C12orf42: variants seen among roughly 807,000 people sequenced by gnomAD.
C12orf42 encodes the protein chromosome 12 open reading frame 42.
A neutral mutation model predicts 21.6 loss-of-function variants in C12orf42; 25 were observed. That is an observed-to-expected ratio of 1.16 (90% CI 0.84 to 1.62). The LOEUF (loss-of-function observed/expected upper bound fraction) is 1.62, where lower values mean the gene tolerates loss of function less well. C12orf42 is among the 40% of genes most tolerant of loss of function. C12orf42 has a pLI of 0.00. For missense variants in C12orf42, 483 were observed against 459.3 expected (o/e 1.05, Z -0.47); for synonymous variants, 174 against 175.0 (o/e 0.99, Z 0.05).
At chr12:103,171,845 G>T in the C12orf42 span, among the ~76,000 whole-genome samples, 2 of 152,258 alleles carry the variant, frequency 1.3e-5, no homozygotes, top group Admixed American at 1.3e-4. Context: ...CAGACTGAAG[G>T]TGAGTTAATT....
intron 4 of C12orf42, among the ~76,000 whole-genome samples, chr12:103,290,648 T>A (rs2036746355): frequency 6.6e-6 from 1 of 152,190 alleles, no homozygotes; most frequent in Non-Finnish European, 1.5e-5. Flanking sequence ...AGAGGATTAA[T>A]TAATGGACAG....
chr12:103,220,418 G>A, the C12orf42 span, among the ~76,000 whole-genome samples: 2 of 151,992 alleles, frequency 1.3e-5, no homozygotes, highest in African/African-American at 2.4e-5. Context: ...GATAGAAAAG[G>A]GAGAAAGACT....
the C12orf42 span, among the ~76,000 whole-genome samples, chr12:103,086,386 G>A: frequency 6.6e-6 from 1 of 151,426 alleles, no homozygotes; most frequent in African/African-American, 2.4e-5. Flanking sequence ...AAAAAAAAGA[G>A]AGAACTATTT....
At chr12:103,254,899 C>A (rs1331980612) in intron 10 of C12orf42, among the ~76,000 whole-genome samples, 3 of 152,060 alleles carry the variant, frequency 2.0e-5, no homozygotes, top group Non-Finnish European at 4.4e-5. Context: ...ACATCCTGCA[C>A]GAGTACCCCA....
At chr12:103,465,539 C>T (rs998447745) in intron 2 of C12orf42, among the ~76,000 whole-genome samples, 1 of 152,112 alleles carries the variant, frequency 6.6e-6, no homozygotes, top group Non-Finnish European at 1.5e-5. Flanking sequence ...ATCATGTCAT[C>T]TGCAAACAGA....
At chr12:103,074,038 C>T in the C12orf42 span, among the ~76,000 whole-genome samples, 4 of 152,172 alleles carry the variant, frequency 2.6e-5, no homozygotes, top group South Asian at 6.2e-4. Flanking sequence ...CAATCAGAAG[C>T]TTCCCAAAGC....
intron 1 of C12orf42, among the ~76,000 whole-genome samples, chr12:103,488,468 T>G (rs1230993910): frequency 2.0e-5 from 3 of 152,196 alleles, no homozygotes; most frequent in African/African-American, 7.2e-5. Context: ...TGTGGTGTTC[T>G]CTGTATTTCC....
chr12:103,075,828 T>C, the C12orf42 span, among the ~76,000 whole-genome samples: 1 of 152,110 alleles, frequency 6.6e-6, no homozygotes, highest in Non-Finnish European at 1.5e-5. Flanking sequence ...TTCAGAACCA[T>C]AATTATTAAG....
At chr12:103,294,555 AAG>A (rs1400104136) in intron 4 of C12orf42, among the ~76,000 whole-genome samples, 253 of 142,664 alleles carry the variant, frequency 1.8e-3, no homozygotes, top group African/African-American at 6.3e-3. Context: ...GAAAGAAAGA[AAG>A]AAAGAAAAAG....
At chr12:103,498,690 A>G (rs1273899793), upstream of C12orf42, among the ~76,000 whole-genome samples, 2 of 152,250 alleles carry the variant, frequency 1.3e-5, no homozygotes, top group African/African-American at 4.8e-5. Context: ...CTATGCAGCC[A>G]TAAAAAGGAA....
At chr12:103,106,710 A>C in the C12orf42 span, among the ~76,000 whole-genome samples, 3 of 152,046 alleles carry the variant, frequency 2.0e-5, no homozygotes, top group Non-Finnish European at 4.4e-5. Flanking sequence ...AAAAGAGGAG[A>C]AAAAAAGAAG....
At chr12:103,402,380 C>T (rs1566246687) in intron 2 of C12orf42, among the ~76,000 whole-genome samples, 1 of 152,148 alleles carries the variant, frequency 6.6e-6, no homozygotes, top group Non-Finnish European at 1.5e-5. Context: ...AAGATAATAT[C>T]AGGATTTGTT....
intron 3 of C12orf42, among the ~76,000 whole-genome samples, chr12:103,374,126 G>C (rs776613027): frequency 3.9e-5 from 6 of 152,180 alleles, no homozygotes; most frequent in Non-Finnish European, 5.9e-5. Context: ...CTTACACTAA[G>C]CTGAATTCTA....
At chr12:103,449,333 T>G (rs903554782) in intron 2 of C12orf42, among the ~76,000 whole-genome samples, 2 of 151,866 alleles carry the variant, frequency 1.3e-5, no homozygotes, top group Non-Finnish European at 2.9e-5. Context: ...CTTTGGGGAC[T>G]TGGGGGGAAG....
chr12:103,404,591 T>A (rs144169712), intron 2 of C12orf42, among the ~76,000 whole-genome samples: 1 of 152,314 alleles, frequency 6.6e-6, no homozygotes, highest in East Asian at 1.9e-4. Context: ...TCAAGTGCAT[T>A]TAGAAAGCCA....
At chr12:103,065,172 C>A in the C12orf42 span, among the ~76,000 whole-genome samples, 2 of 152,278 alleles carry the variant, frequency 1.3e-5, no homozygotes, top group African/African-American at 4.8e-5. Context: ...ACAGAGGTGG[C>A]GATTCCCACC....
chr12:103,373,558 T>C (rs2138016552), intron 3 of C12orf42, among the ~76,000 whole-genome samples: 1 of 152,260 alleles, frequency 6.6e-6, no homozygotes, highest in Middle Eastern at 3.4e-3. Context: ...TGGCAATATG[T>C]AAAGGAAGTT....
chr12:103,414,406 A>G (rs149881798), intron 2 of C12orf42, among the ~76,000 whole-genome samples: 74 of 152,152 alleles, frequency 4.9e-4, no homozygotes, highest in African/African-American at 1.5e-3. Flanking sequence ...GATGCATAGA[A>G]TCATTTTTCC....
At chr12:103,319,226 C>T (rs1278534201) in intron 4 of C12orf42, among the ~76,000 whole-genome samples, 2 of 152,296 alleles carry the variant, frequency 1.3e-5, no homozygotes, top group Middle Eastern at 6.8e-3. Context: ...TGTGTTTATT[C>T]TTTAAGAAAA....
Sources: allele counts gnomAD v4.1 joint callset (sites outside exome capture counted in the v4.1 genomes callset), GRCh38; gene constraint gnomAD v4.1.1; transcripts MANE v1.5; gene names NCBI Gene and HGNC (gene_info 2026-07-23, HGNC 2026-07-21).